Variants in ONECUT3 observed in about 807,000 individuals in gnomAD.
ONECUT3 encodes one cut domain family member 3.
ONECUT3 carries 11 observed loss-of-function variants against 16.8 expected under a neutral mutation model. That is an observed-to-expected ratio of 0.66 (90% CI 0.41 to 1.09). The LOEUF (loss-of-function observed/expected upper bound fraction) is 1.09, where lower values mean the gene tolerates loss of function less well. Among genes scored for constraint, ONECUT3 ranks in the 50% least tolerant of loss-of-function variants. The pLI, the probability that ONECUT3 is intolerant of heterozygous loss-of-function variation, is 0.00. For missense variants in ONECUT3, 637 were observed against 629.9 expected, an observed-to-expected ratio of 1.01 and a Z score of -0.12; for synonymous variants, 344 against 310.7, an observed-to-expected ratio of 1.11 and a Z score of -1.13.
In ONECUT3 at chr19:1,762,695, G is replaced by C. The variant is rs1336917530; in HGVS notation, c.1192+7841G>C. On this transcript the variant is annotated intron_variant, in intron 1 of 1. Coordinates refer to ENST00000382349, the MANE Select transcript of ONECUT3 (RefSeq NM_001080488.2). This position sits in a 1 kb window ranked among gnomAD's most constrained non-coding sequence, Gnocchi z 4.4. ...CTTGGAGCCTCAGGGTCACTGGTGC[G>C]GGCTCCGCAGGAAAGCGCAGCCCCC... is the stretch of plus-strand genomic sequence containing the variant. 6.6e-6 allele frequency among the ~76,000 whole-genome samples: 1 copy of C among 152,236 alleles called. No homozygotes were observed. Among genetic ancestry groups the C allele is most frequent in the African/African-American group, 2.4e-5 (1 of 41,470 alleles).
Position 1,764,498 on chromosome 19 carries a change from T to A in ONECUT3, c.1192+9644T>A, listed in dbSNP as rs2067967377. 6.6e-6 allele frequency among the ~76,000 whole-genome samples: 1 copy of A among 150,602 alleles called. No homozygotes were observed. Among genetic ancestry groups the A allele is most frequent in the South Asian group, 2.1e-4 (1 of 4,756 alleles). On this transcript the variant is annotated intron_variant, in intron 1 of 1. Transcript: ENST00000382349. This position sits in a 1 kb window ranked among gnomAD's most constrained non-coding sequence, Gnocchi z 5.0. ...TGCTGAGGCCAAGGTGGGCTCCGCG[T>A]GAGATGTGGGCAGGGCAGGCATGGG...
In ONECUT3 at chr19:1,754,960, C is replaced by T. The variant is rs1014423547; in HGVS notation, c.1192+106C>T. ...CCCGGGGCCAGCGCCCCAAGCCCCGCCCGTGCGCCCCGGCAGCCCGGGACC... is the reference window on the plus strand; with the variant it reads ...CCCGGGGCCAGCGCCCCAAGCCCCGTCCGTGCGCCCCGGCAGCCCGGGACC... On this transcript the variant is annotated intron_variant, in intron 1 of 1. Coordinates refer to ENST00000382349, the MANE Select transcript of ONECUT3 (RefSeq NM_001080488.2). This position sits in a 1 kb window ranked among gnomAD's most constrained non-coding sequence, Gnocchi z 7.4. The T allele has an allele frequency of 8.0e-7, 1 of 1,254,636 alleles. No homozygotes were observed. The highest frequency in any genetic ancestry group is 1.0e-6 in the Non-Finnish European group (1 of 995,458). 77.7% of individuals were successfully genotyped at this position (1,254,636 alleles called of 1,614,324 possible). A position where few individuals can be genotyped will look rare whatever the true frequency, so the allele number is the denominator to read the frequency against.
chr19:1,753,861 GGCGCGGGCGGCGCGGGCA>G lies in ONECUT3; in HGVS notation c.212_229del (p.Ala71_Gly76del), dbSNP rs2067901719. 10 of 975,096 alleles carry G rather than the reference GGCGCGGGCGGCGCGGGCA, an allele frequency of 1.0e-5. No homozygotes were observed. Among genetic ancestry groups the G allele is most frequent in the Admixed American group, 6.4e-5 (1 of 15,684 alleles). The allele number at this position is 975,096 out of a possible 1,614,324, so 60.4% of individuals were successfully genotyped here. Reference sequence around the variant, plus strand: ...CGGCGGCGGCGGTGGGGGCGCCGGGGGCGCGGGCGGCGCGGGCAGCGCGGGCGGCGGCGCGGACTTCCG... The same window carrying G: ...CGGCGGCGGCGGTGGGGGCGCCGGGGGCGCGGGCGGCGGCGCGGACTTCCG... On this transcript the variant is annotated inframe_deletion, in exon 1 of 2. Transcript: ENST00000382349.
intron 1 of ONECUT3, among the ~76,000 whole-genome samples, chr19:1,757,082 A>G (rs895463943): frequency 2.0e-5 from 3 of 149,624 alleles, no homozygotes; most frequent in Non-Finnish European, 4.5e-5. Context: ...GGCCACAGAA[A>G]ACATCAGCCA....
In ONECUT3 at chr19:1,775,753, G is replaced by A. The variant is rs970542272; in HGVS notation, c.*308G>A. ...CCTCTCCATTCAGGACGCCCAGAGGGCCTCGAGAAAAACCAGGGCTCACTG... is the reference window on the plus strand; with the variant it reads ...CCTCTCCATTCAGGACGCCCAGAGGACCTCGAGAAAAACCAGGGCTCACTG... On this transcript the variant is annotated 3_prime_UTR_variant, in exon 2 of 2. Transcript: ENST00000382349. 1 of 270,282 alleles carries A rather than the reference G, an allele frequency of 3.7e-6. No individual in the cohort carries two copies. Among genetic ancestry groups the A allele is most frequent in the Non-Finnish European group, 6.9e-6 (1 of 145,554 alleles). 16.7% of individuals were successfully genotyped at this position (270,282 alleles called of 1,614,324 possible). A position where few individuals can be genotyped will look rare whatever the true frequency, so the allele number is the denominator to read the frequency against.
Position 1,762,026 on chromosome 19 carries a change from T to TGTAGACGC in ONECUT3, c.1192+7173_1192+7180dup, listed in dbSNP as rs1346742145. Among the ~76,000 whole-genome samples, 38 of 152,140 alleles carry TGTAGACGC rather than the reference T, an allele frequency of 2.5e-4. No homozygotes were observed. The highest frequency in any genetic ancestry group is 8.9e-4 in the African/African-American group (37 of 41,510). ...GTGTAGACGCACCCGGAGACACGTGTGTAGACGCCTCCGTTCACACTGGGA... is the reference window on the plus strand; with the variant it reads ...GTGTAGACGCACCCGGAGACACGTGTGTAGACGCGTAGACGCCTCCGTTCACACTGGGA... On this transcript the variant is annotated intron_variant, in intron 1 of 1. Transcript: ENST00000382349. This position sits in a 1 kb window ranked among gnomAD's most constrained non-coding sequence, Gnocchi z 4.4.
intron 1 of ONECUT3, 30 bp from the exon 2 acceptor site, chr19:1,775,123 C>A (rs1468820683): frequency 8.6e-7 from 1 of 1,163,678 alleles, no homozygotes; most frequent in South Asian, 1.6e-5. Context: ...CTGTGTCCCG[C>A]TCGCCCGCCC....
At position 1,780,806 on chromosome 19, in the gene ONECUT3, G is replaced by T. The variant is rs1487977272; in HGVS notation, c.*5361G>T. 6.6e-6 allele frequency: 1 copy of T among 152,226 alleles called. No homozygotes were observed. The highest frequency in any genetic ancestry group is 6.5e-5 in the Admixed American group (1 of 15,278). 9.4% of individuals were successfully genotyped at this position (152,226 alleles called of 1,614,324 possible). A position where few individuals can be genotyped will look rare whatever the true frequency, so the allele number is the denominator to read the frequency against. ...TGGTGGAATGAGCTCAGCCGGGGGT[G>T]ACGGAAGAGCCAGGAGGCCCTGCGG... On this transcript the variant is annotated 3_prime_UTR_variant, in exon 2 of 2. Transcript: ENST00000382349.
At position 1,753,762 on chromosome 19, in the gene ONECUT3, C is replaced by A. The variant is rs978742747; in HGVS notation, c.100C>A (p.Gln34Lys). 6.2e-5 allele frequency: 62 copies of A among 1,001,296 alleles called. No homozygotes were observed. Among genetic ancestry groups the A allele is most frequent in the Non-Finnish European group, 7.4e-5 (62 of 841,912 alleles). The allele number at this position is 1,001,296 out of a possible 1,614,324, so 62.0% of individuals were successfully genotyped here. ...GGGCCACGCGCGCTCGGCGGCGGCG[C>A]AGCACCGCGGCCTGGTGGCGCCCGG... ...SPGHARSAAAQHRGLVAPGRP... is the reference protein window; with the variant it reads ...SPGHARSAAAKHRGLVAPGRP... The change falls in exon 1 of 2, where the codon CAG becomes AAG. Residue 34 changes from glutamine to lysine, a missense_variant. Transcript: ENST00000382349.
In ONECUT3 at chr19:1,776,915, C is replaced by T. The variant is rs1280702964; in HGVS notation, c.*1470C>T. The T allele has an allele frequency of 1.3e-5, 2 of 152,126 alleles. No homozygotes were observed. The highest frequency in any genetic ancestry group is 2.9e-5 in the Non-Finnish European group (2 of 68,028). The allele number at this position is 152,126 out of a possible 1,614,324, so 9.4% of individuals were successfully genotyped here. Reference sequence around the variant, plus strand: ...GTGATTGGAAAATCACGCCTGATACCAAAGATTTCTCCCAAGGATTTGTGC... The same window carrying T: ...GTGATTGGAAAATCACGCCTGATACTAAAGATTTCTCCCAAGGATTTGTGC... On this transcript the variant is annotated 3_prime_UTR_variant, in exon 2 of 2. Coordinates refer to ENST00000382349, the MANE Select transcript of ONECUT3 (RefSeq NM_001080488.2). The surrounding 1 kb of genome is among the most constrained non-coding windows in gnomAD (Gnocchi z 4.9).
At chr19:1,761,214 A>T (rs2067944783) in intron 1 of ONECUT3, among the ~76,000 whole-genome samples, 1 of 151,896 alleles carries the variant, frequency 6.6e-6, no homozygotes, top group African/African-American at 2.4e-5. Context: ...CACCACGCCC[A>T]GCTAATTTTT....
intron 1 of ONECUT3, 135 bp from the exon 2 acceptor site, chr19:1,775,018 C>A: frequency 1.7e-6 from 1 of 588,396 alleles, no homozygotes; most frequent in Non-Finnish European, 2.9e-6. Context: ...ACCTTATGTG[C>A]ATTCGCCTTT....
rs2067910144 is a variant in ONECUT3, at chr19:1,755,147, C to T, written c.1192+293C>T. On this transcript the variant is annotated intron_variant, in intron 1 of 1. Transcript: ENST00000382349. The surrounding 1 kb of genome is among the most constrained non-coding windows in gnomAD (Gnocchi z 7.5). ...GTCCTTGTTAGACTGCTGGGAGGCT[C>T]CGAGCCTCTCCCCAAGCAGCCCTCA... is the stretch of plus-strand genomic sequence containing the variant. Among the ~76,000 whole-genome samples the T allele has an allele frequency of 3.3e-5, 5 of 152,276 alleles. No homozygotes were observed. The South Asian group carries it at 1.0e-3, about 32-fold the overall frequency.
Position 1,754,254 on chromosome 19 carries a change from CCGCTGTCGCCGCTGCCCAACG to C in ONECUT3, c.598_618del (p.Ser200_Leu206del). The C allele has an allele frequency of 9.4e-7, 1 of 1,067,320 alleles. No homozygotes were observed. The highest frequency in any genetic ancestry group is 1.1e-6 in the Non-Finnish European group (1 of 885,598). The allele number at this position is 1,067,320 out of a possible 1,614,324, so 66.1% of individuals were successfully genotyped here. On this transcript the variant is annotated inframe_deletion, in exon 1 of 2. Transcript: ENST00000382349. This position sits in a 1 kb window ranked among gnomAD's most constrained non-coding sequence, Gnocchi z 7.4. The stretch of plus-strand genomic sequence containing the variant: ...CAAGGAGCTGCCCGCCATGGGGTCG[CCGCTGTCGCCGCTGCCCAACG>C]CGCTGCCGCCCGCGCTGCACGGCGC...
chr19:1,768,897 TG>T (rs2068020549), intron 1 of ONECUT3, among the ~76,000 whole-genome samples: 3 of 128,760 alleles, frequency 2.3e-5, no homozygotes, highest in South Asian at 2.8e-4. Context: ...GTGGTGGAGG[TG>T]GAGGTGGTGG....
In ONECUT3 at chr19:1,778,506, C is replaced by G. The variant is rs2068129957; in HGVS notation, c.*3061C>G. ...AAAATCGATGCCTGGGCTTCAGGCA[C>G]TGGCCGGAGCACGGGCCTGGCGGGG... On this transcript the variant is annotated 3_prime_UTR_variant, in exon 2 of 2. Transcript: ENST00000382349. 1 of 149,370 alleles carries G rather than the reference C, an allele frequency of 6.7e-6. No individual in the cohort carries two copies. The highest frequency in any genetic ancestry group is 2.1e-4 in the South Asian group (1 of 4,688). The allele number at this position is 149,370 out of a possible 1,614,324, so 9.3% of individuals were successfully genotyped here.
At position 1,754,947 on chromosome 19, in the gene ONECUT3, G is replaced by A. The variant is rs888869680; in HGVS notation, c.1192+93G>A. 14 of 1,272,684 alleles carry A rather than the reference G, an allele frequency of 1.1e-5. No individual in the cohort carries two copies. The East Asian group carries it at 3.5e-4, about 32-fold the overall frequency. The allele number at this position is 1,272,684 out of a possible 1,614,324, so 78.8% of individuals were successfully genotyped here. A position where few individuals can be genotyped will look rare whatever the true frequency, so the allele number is the denominator to read the frequency against. ...GCGGCGGCCGATGCCCGGGGCCAGC[G>A]CCCCAAGCCCCGCCCGTGCGCCCCG... On this transcript the variant is annotated intron_variant, in intron 1 of 1. Coordinates refer to ENST00000382349, the MANE Select transcript of ONECUT3 (RefSeq NM_001080488.2). The surrounding 1 kb of genome is among the most constrained non-coding windows in gnomAD (Gnocchi z 7.4).
chr19:1,754,593 GGCCC>G lies in ONECUT3; in HGVS notation c.932_935del (p.Gly311AlafsTer23). The stretch of plus-strand genomic sequence containing the variant: ...CGGCGGCCCCGGCGGGAGCGGCGGC[GGCCC>G]CAGCGCGGGCGCAGCGGCCGAGGAG... On this transcript the variant is annotated frameshift_variant, in exon 1 of 2. Transcript: ENST00000382349. LOFTEE classifies it high-confidence loss of function. The surrounding 1 kb of genome is among the most constrained non-coding windows in gnomAD (Gnocchi z 7.4). 1 of 1,302,850 alleles carries G rather than the reference GGCCC, an allele frequency of 7.7e-7. No individual in the cohort carries two copies. Among genetic ancestry groups the G allele is most frequent in the Non-Finnish European group, 9.8e-7 (1 of 1,017,382 alleles). 80.7% of individuals were successfully genotyped at this position (1,302,850 alleles called of 1,614,324 possible).
chr19:1,762,349 G>A lies in ONECUT3; in HGVS notation c.1192+7495G>A, dbSNP rs1413068184. On this transcript the variant is annotated intron_variant, in intron 1 of 1. Coordinates refer to ENST00000382349, the MANE Select transcript of ONECUT3 (RefSeq NM_001080488.2). This position sits in a 1 kb window ranked among gnomAD's most constrained non-coding sequence, Gnocchi z 4.4. ...CTGGAGCTGGGGCTTTGGGAAGGTC[G>A]AGTAGACCCTCAGTGAGTGGGATGC... Among the ~76,000 whole-genome samples, 1 of 152,204 alleles carries A rather than the reference G, an allele frequency of 6.6e-6. No individual in the cohort carries two copies. The highest frequency in any genetic ancestry group is 6.5e-5 in the Admixed American group (1 of 15,286).
Sources: allele counts gnomAD v4.1 joint callset (sites outside exome capture counted in the v4.1 genomes callset), GRCh38; gene constraint gnomAD v4.1.1; non-coding constraint Gnocchi (gnomAD v3.1); transcripts MANE v1.5; gene names NCBI Gene and HGNC (gene_info 2026-07-23, HGNC 2026-07-21).